SLC37A1: variants seen among roughly 807,000 people sequenced by gnomAD.
The protein encoded by SLC37A1 is solute carrier family 37 member 1.
SLC37A1 carries 49 observed loss-of-function variants against 75.3 expected under a neutral mutation model. The observed-to-expected ratio is 0.65, with a 90% CI of 0.52 to 0.83. The LOEUF (loss-of-function observed/expected upper bound fraction) is 0.83, where lower values mean the gene tolerates loss of function less well. SLC37A1 is among the 40% of genes least tolerant of loss of function. SLC37A1 has a pLI of 0.00. For synonymous variants in SLC37A1, 268 were observed against 292.1 expected (o/e 0.92, Z 0.84); for missense variants, 566 against 695.0 (o/e 0.81, Z 2.09).
chr21:42,554,982 G>GGTTT lies in SLC37A1; in HGVS notation c.849+840_849+841insGTTT, dbSNP rs368777229. 7.2e-4 allele frequency among the ~76,000 whole-genome samples: 84 copies of GGTTT among 116,560 alleles called. 1 individual carries two copies. Among genetic ancestry groups the GGTTT allele is most frequent in the Middle Eastern group, 4.7e-3 (1 of 214 alleles). The allele number at this position is 116,560 out of a possible 152,430, so 76.5% of individuals were successfully genotyped here. A position where few individuals can be genotyped will look rare whatever the true frequency, so the allele number is the denominator to read the frequency against. On this transcript the variant is annotated intron_variant, in intron 10 of 19. Coordinates refer to ENST00000352133, the MANE Select transcript of SLC37A1 (RefSeq NM_001320537.2). ...TTTTTGTTTGTTTGGTTGGTTGGTT[G>GGTTT]TTTTTTTTTTTTTTTTTTTTTGAGA...
chr21:42,544,414 G>A (rs144262804), intron 8 of SLC37A1, among the ~76,000 whole-genome samples: 14 of 152,152 alleles, frequency 9.2e-5, no homozygotes, highest in Non-Finnish European at 2.1e-4. Context: ...CCATTTAGTC[G>A]CTCACTTTTT....
intron 8 of SLC37A1, 75 bp downstream of exon 8, chr21:42,543,677 C>A: frequency 6.8e-7 from 1 of 1,462,482 alleles, no homozygotes; most frequent in Admixed American, 2.2e-5. Context: ...GCCTTGGGGG[C>A]GAGTGTGAGA....
intron 2 of SLC37A1, among the ~76,000 whole-genome samples, chr21:42,522,466 C>A (rs914627980): frequency 2.6e-5 from 4 of 152,134 alleles, no homozygotes; most frequent in Non-Finnish European, 5.9e-5. Context: ...AGCAAGGCAG[C>A]GGCCCGAGTG....
upstream of SLC37A1, among the ~76,000 whole-genome samples, chr21:42,512,603 C>T (rs1037323371): frequency 2.0e-5 from 3 of 152,160 alleles, no homozygotes; most frequent in African/African-American, 7.2e-5. Context: ...GCACAGGGGG[C>T]CTGCGGAGAG....
At chr21:42,535,641 C>A in intron 5 of SLC37A1, 91 bp downstream of exon 5, 4 of 1,157,614 alleles carry the variant, frequency 3.5e-6, no homozygotes, top group Non-Finnish European at 5.2e-6. Context: ...CACAGGCGCG[C>A]GGGATTGAGG....
intron 18 of SLC37A1, among the ~76,000 whole-genome samples, chr21:42,578,505 G>A (rs2056352158): frequency 6.6e-6 from 1 of 152,208 alleles, no homozygotes; most frequent in East Asian, 1.9e-4. Flanking sequence ...ACACTTGGCA[G>A]GATGTAGATG....
intron 9 of SLC37A1, among the ~76,000 whole-genome samples, chr21:42,549,023 A>T (rs907676327): frequency 7.2e-5 from 11 of 152,236 alleles, no homozygotes; most frequent in Admixed American, 5.9e-4. Flanking sequence ...ACACCATATG[A>T]TGTTCTTAAA....
chr21:42,520,056 C>G (rs2054610544), intron 2 of SLC37A1, among the ~76,000 whole-genome samples: 1 of 152,054 alleles, frequency 6.6e-6, no homozygotes, highest in Non-Finnish European at 1.5e-5. Flanking sequence ...AGACATCATA[C>G]CCTCTTATTT....
chr21:42,568,988 T>C (rs910568939), intron 17 of SLC37A1, among the ~76,000 whole-genome samples: 3 of 152,198 alleles, frequency 2.0e-5, no homozygotes, highest in African/African-American at 7.2e-5. Flanking sequence ...TGAGCCCTTG[T>C]ATGGGGAGCA....
At chr21:42,519,085 G>A (rs1177392399) in intron 2 of SLC37A1, among the ~76,000 whole-genome samples, 2 of 152,186 alleles carry the variant, frequency 1.3e-5, no homozygotes, top group Admixed American at 6.5e-5. Flanking sequence ...TTGTCCTGCT[G>A]ACCTCTTCTG....
chr21:42,534,861 G>A (rs375406772), intron 4 of SLC37A1, 31 bp downstream of exon 4: 40 of 1,603,656 alleles, frequency 2.5e-5, no homozygotes, highest in African/African-American at 1.5e-4. Context: ...TCCAGGAGCC[G>A]AAGCGGCTGT....
Position 42,579,257 on chromosome 21 carries a change from G to A in SLC37A1, c.1522-479G>A, listed in dbSNP as rs537434389. ...AGTGGGGTGCGGCTGTCCTGTGACA[G>A]CCTCTTCAGACCCCAGGGCTGGCGC... On this transcript the variant is annotated intron_variant, in intron 18 of 19. Transcript: ENST00000352133. Among the ~76,000 whole-genome samples, 11 of 152,334 alleles carry A rather than the reference G, an allele frequency of 7.2e-5. No individual in the cohort carries two copies. In the East Asian group the frequency reaches 2.1e-3, roughly 29 times the overall value.
intron 9 of SLC37A1, among the ~76,000 whole-genome samples, chr21:42,553,667 G>GT (rs57244964): frequency 0.021 from 3,092 of 146,178 alleles, 80 homozygotes; most frequent in African/African-American, 0.058. Flanking sequence ...CCTAGAGACG[G>GT]TTTTTTTTTT....
chr21:42,543,732 T>C (rs1227990231), intron 8 of SLC37A1, 130 bp downstream of exon 8: 4 of 876,204 alleles, frequency 4.6e-6, no homozygotes, highest in Non-Finnish European at 6.8e-6. Context: ...GCCTCAGCGC[T>C]CTTCTTACCA....
At chr21:42,533,409 A>C (rs900090045) in intron 3 of SLC37A1, among the ~76,000 whole-genome samples, 8 of 152,226 alleles carry the variant, frequency 5.3e-5, no homozygotes, top group Admixed American at 4.6e-4. Flanking sequence ...GAAGCATGGG[A>C]GCGACAGAGG....
rs1411658715 is a variant in SLC37A1 at position 42,564,028 on chromosome 21, G to T, written c.1135+151G>T. On this transcript the variant is annotated intron_variant, in intron 13 of 19. Coordinates refer to ENST00000352133, the MANE Select transcript of SLC37A1 (RefSeq NM_001320537.2). The stretch of plus-strand genomic sequence containing the variant: ...AAGAGGGTCAGGCCGTCACCTGGGG[G>T]TGGTTTTATTGTCTCCCGTCCCTCC... 6 of 804,712 alleles carry T rather than the reference G, an allele frequency of 7.5e-6. No individual in the cohort carries two copies. The East Asian group carries it at 8.1e-5, about 11-fold the overall frequency. 49.8% of individuals were successfully genotyped at this position (804,712 alleles called of 1,614,324 possible). A position where few individuals can be genotyped will look rare whatever the true frequency, so the allele number is the denominator to read the frequency against.
rs151176861 is a variant in SLC37A1, at chr21:42,548,477, G to A, written c.768+1337G>A. Among the ~76,000 whole-genome samples the A allele has an allele frequency of 1.6e-3, 242 of 151,846 alleles. No homozygotes were observed. Among genetic ancestry groups the A allele is most frequent in the African/African-American group, 5.5e-3 (229 of 41,372 alleles). ...CCCAACACCCCCTCCCTTCAGCCCC[G>A]CACCCCATCCTTGGCCATGTTCTGT... On this transcript the variant is annotated intron_variant, in intron 9 of 19. Transcript: ENST00000352133. The surrounding 1 kb of genome is among the most constrained non-coding windows in gnomAD (Gnocchi z 5.6).
chr21:42,555,947 A>C (rs1413653848), intron 10 of SLC37A1, among the ~76,000 whole-genome samples: 1 of 152,194 alleles, frequency 6.6e-6, no homozygotes, highest in Non-Finnish European at 1.5e-5. Context: ...GAGAGTCCCC[A>C]TGAGGTTGGC....
At chr21:42,570,325 G>C (rs3827236) in intron 17 of SLC37A1, among the ~76,000 whole-genome samples, 43,850 of 63,796 alleles carry the variant, frequency 0.69, 17,635 homozygotes, top group African/African-American at 0.82. Context: ...TGGTGGGCAG[G>C]GTGGCTGTTG....
Sources: allele counts gnomAD v4.1 joint callset (sites outside exome capture counted in the v4.1 genomes callset), GRCh38; gene constraint gnomAD v4.1.1; non-coding constraint Gnocchi (gnomAD v3.1); transcripts MANE v1.5; gene names NCBI Gene and HGNC (gene_info 2026-07-23, HGNC 2026-07-21).